PCDH15: variants seen among roughly 807,000 people sequenced by gnomAD.
PCDH15 encodes the protein protocadherin-15.
Under a neutral mutation model 178.5 loss-of-function variants are expected in PCDH15, and 129 were observed. The observed-to-expected ratio is 0.72, with a 90% confidence interval of 0.63 to 0.84. PCDH15 has a LOEUF of 0.84. Ranked by LOEUF, PCDH15 falls within the 40% of genes least tolerant of loss-of-function variation. The pLI is 0.00. For missense variants in PCDH15, 2,230 were observed against 2,099.9 expected, an observed-to-expected ratio of 1.06 and a Z score of -1.21; for synonymous variants, 800 against 732.0, an observed-to-expected ratio of 1.09 and a Z score of -1.50.
At chr10:54,587,564 T>G (rs2091580827) in intron 2 of PCDH15, among the ~76,000 whole-genome samples, 1 of 151,574 alleles carries the variant, frequency 6.6e-6, no homozygotes, top group Admixed American at 6.6e-5. Context: ...TTAAAGGAAC[T>G]TACAGAGATA....
intron 10 of PCDH15, among the ~76,000 whole-genome samples, chr10:54,203,412 T>C (rs922428949): frequency 2.0e-5 from 3 of 152,168 alleles, no homozygotes; most frequent in African/African-American, 7.2e-5. Context: ...AGTATCAATA[T>C]AGTTTTGGGT....
chr10:55,429,493 T>A (rs1838832239), intron 2 of PCDH15, among the ~76,000 whole-genome samples: 1 of 152,158 alleles, frequency 6.6e-6, no homozygotes, highest in Non-Finnish European at 1.5e-5. Context: ...TCTTTTTTGT[T>A]CTGCTGATGC....
intron 1 of PCDH15, among the ~76,000 whole-genome samples, chr10:55,246,963 G>A (rs1841692764): frequency 6.6e-6 from 1 of 152,050 alleles, no homozygotes; most frequent in Admixed American, 6.6e-5. Flanking sequence ...TGCTTGATAT[G>A]TAGGTCTCTG....
chr10:54,789,705 A>T (rs983569356), intron 1 of PCDH15, among the ~76,000 whole-genome samples: 1 of 151,920 alleles, frequency 6.6e-6, no homozygotes, highest in African/African-American at 2.4e-5. Context: ...TTAATTTTGA[A>T]GTGCAAATAT....
At chr10:55,320,245 C>G (rs1467457678), upstream of PCDH15, among the ~76,000 whole-genome samples, 1 of 152,132 alleles carries the variant, frequency 6.6e-6, no homozygotes. Flanking sequence ...TGAGTGCAAA[C>G]TACCCCACCA....
At chr10:54,297,027 G>T (rs2059839872) in intron 8 of PCDH15, among the ~76,000 whole-genome samples, 3 of 152,138 alleles carry the variant, frequency 2.0e-5, no homozygotes, top group Non-Finnish European at 2.9e-5. Context: ...CTGCTGCTGT[G>T]TTGGTGAGCG....
intron 2 of PCDH15, among the ~76,000 whole-genome samples, chr10:55,057,987 C>T (rs921635053): frequency 1.3e-4 from 20 of 151,962 alleles, no homozygotes; most frequent in African/African-American, 4.6e-4. Flanking sequence ...TTAACTTGGG[C>T]CTTTTATTTT....
intron 15 of PCDH15, among the ~76,000 whole-genome samples, chr10:54,119,116 T>G (rs1015419777): frequency 2.0e-5 from 3 of 152,162 alleles, no homozygotes; most frequent in African/African-American, 7.2e-5. Context: ...CACCAAAGGA[T>G]TCCACTAGAT....
intron 29 of PCDH15, among the ~76,000 whole-genome samples, chr10:53,832,844 T>G (rs1312341665): frequency 4.6e-5 from 7 of 151,970 alleles, no homozygotes. Context: ...TGCTTAAAAA[T>G]AGAAGTGCCT....
Position 53,908,766 on chromosome 10 carries a change from T to C in PCDH15, c.3374-5396A>G, listed in dbSNP as rs578201846. On this transcript the variant is annotated intron_variant, in intron 25 of 37. Coordinates refer to ENST00000644397, the MANE Select transcript of PCDH15 (RefSeq NM_001384140.1). ...TGTTACGTATCGTTGCCTAACACAT[T>C]AAATGATTTTTAAAATTGTTATCAT... Among the ~76,000 whole-genome samples, 6 of 152,322 alleles carry C rather than the reference T, an allele frequency of 3.9e-5. No homozygotes were observed. In the South Asian group the frequency reaches 6.2e-4, roughly 16 times the overall value.
chr10:53,851,686 A>C (rs1374901087), intron 28 of PCDH15, among the ~76,000 whole-genome samples: 3 of 24,120 alleles, frequency 1.2e-4, no homozygotes, highest in Admixed American at 3.5e-4. Flanking sequence ...ATATATATAT[A>C]TATATATATA....
intron 23 of PCDH15, among the ~76,000 whole-genome samples, chr10:53,949,481 T>G (rs1418799668): frequency 6.6e-6 from 1 of 152,212 alleles, no homozygotes; most frequent in African/African-American, 2.4e-5. Context: ...TTCATCTTAT[T>G]AAAATCTTTT....
At chr10:54,005,692 C>T (rs192695040) in intron 20 of PCDH15, among the ~76,000 whole-genome samples, 12 of 152,096 alleles carry the variant, frequency 7.9e-5, no homozygotes, top group Middle Eastern at 3.4e-3. Flanking sequence ...AAAAGGAACC[C>T]TCACACACTG....
intron 6 of PCDH15, among the ~76,000 whole-genome samples, chr10:54,343,439 G>A (rs1942638634): frequency 6.6e-6 from 1 of 152,188 alleles, no homozygotes; most frequent in East Asian, 1.9e-4. Context: ...TTGGAACTGT[G>A]AGTCATTTAA....
chr10:55,422,125 C>T (rs1049143668), intron 2 of PCDH15, among the ~76,000 whole-genome samples: 8 of 151,724 alleles, frequency 5.3e-5, no homozygotes, highest in Admixed American at 2.6e-4. Flanking sequence ...CTCTATTCAC[C>T]GCTACCCACA....
rs1554879756 is a variant in PCDH15, at chr10:55,514,987, A to ATAGATTT, written c.-156+112637_-156+112638insAAATCTA. ...TATATATAGATAGATAGATAGATAG[A>ATAGATTT]TTTTTTTTTTTTTTTTTTTTGAGAT... is the stretch of plus-strand genomic sequence containing the variant. On this transcript the variant is annotated intron_variant, in intron 2 of 5. Coordinates refer to the PCDH15 transcript ENST00000613346. Among the ~76,000 whole-genome samples, 5 of 120,242 alleles carry ATAGATTT rather than the reference A, an allele frequency of 4.2e-5. No individual in the cohort carries two copies. The South Asian group carries it at 1.2e-3, about 29-fold the overall frequency. 78.9% of individuals were successfully genotyped at this position (120,242 alleles called of 152,430 possible).
chr10:54,296,094 G>A (rs1307650564), intron 8 of PCDH15, among the ~76,000 whole-genome samples: 20 of 132,616 alleles, frequency 1.5e-4, no homozygotes, highest in African/African-American at 4.7e-4. Flanking sequence ...GCAGGGAGCC[G>A]AGATCCCGCC....
chr10:55,247,687 A>C (rs1054322504), intron 1 of PCDH15: 2 of 151,736 alleles, frequency 1.3e-5, no homozygotes, highest in African/African-American at 4.8e-5. Context: ...GGGAGGCCGA[A>C]GCAGGTGATC....
chr10:54,981,936 C>CT lies in PCDH15; in HGVS notation c.-79-84437dup, dbSNP rs879372543. On this transcript the variant is annotated intron_variant, in intron 2 of 5. Transcript: ENST00000458638. Reference sequence around the variant, plus strand: ...AACTCTTGGTGCACATTTTGTTTTCCTTTTTTTTTTTTCTTTATAGAAGAG... The same window carrying CT: ...AACTCTTGGTGCACATTTTGTTTTCCTTTTTTTTTTTTTCTTTATAGAAGAG... Among the ~76,000 whole-genome samples the CT allele has an allele frequency of 2.5e-3, 363 of 145,114 alleles. 3 individuals are homozygous for CT. The highest frequency in any genetic ancestry group is 0.015 in the East Asian group (75 of 4,966).
Sources: allele counts gnomAD v4.1 joint callset (sites outside exome capture counted in the v4.1 genomes callset), GRCh38; gene constraint gnomAD v4.1.1; transcripts MANE v1.5; gene names NCBI Gene and HGNC (gene_info 2026-07-23, HGNC 2026-07-21).